The following FAF1 variants were observed in gnomAD, a reference collection of about 807,000 sequenced individuals.
FAF1 encodes Fas associated factor 1.
FAF1 carries 25 observed loss-of-function variants against 92.5 expected under a neutral mutation model. The observed-to-expected ratio is 0.27, with a 90% confidence interval of 0.20 to 0.38. The LOEUF is 0.38. Ranked by LOEUF, FAF1 falls within the 10% of genes least tolerant of loss-of-function variation. The pLI is 1.00. For missense variants in FAF1, 636 were observed against 793.3 expected, an observed-to-expected ratio of 0.80 and a Z score of 2.38; for synonymous variants, 234 against 273.2, an observed-to-expected ratio of 0.86 and a Z score of 1.42.
chr1:50,497,738 C>T (rs776352747), intron 15 of FAF1, among the ~76,000 whole-genome samples: 9 of 151,384 alleles, frequency 5.9e-5, no homozygotes, highest in African/African-American at 7.3e-5. Context: ...TTAGTAGAGA[C>T]GGGGTTTCAC....
chr1:50,838,721 A>G (rs1470140158), intron 2 of FAF1, among the ~76,000 whole-genome samples: 1 of 152,052 alleles, frequency 6.6e-6, no homozygotes, highest in Non-Finnish European at 1.5e-5. Context: ...CTCTCAGAGA[A>G]ATAACATGCA....
At chr1:50,929,677 G>A (rs938595065) in intron 1 of FAF1, among the ~76,000 whole-genome samples, 2 of 152,198 alleles carry the variant, frequency 1.3e-5, no homozygotes, top group African/African-American at 4.8e-5. Context: ...TTCATTGAAT[G>A]TCTATCATGT....
chr1:50,556,131 G>A lies in FAF1; in HGVS notation c.1268+10946C>T, dbSNP rs529537763. On this transcript the variant is annotated intron_variant, in intron 13 of 18. Transcript: ENST00000396153. ...CGGGCGCCTGTAGTCCCAGCTACTC[G>A]GGAGGCTGAGGCAGGAGACTGGCGT... Among the ~76,000 whole-genome samples, 36 of 151,450 alleles carry A rather than the reference G, an allele frequency of 2.4e-4. No homozygotes were observed. In the South Asian group the frequency reaches 7.1e-3, roughly 30 times the overall value.
intron 13 of FAF1, among the ~76,000 whole-genome samples, chr1:50,562,161 A>G (rs752444643): frequency 1.3e-5 from 2 of 152,198 alleles, no homozygotes; most frequent in Non-Finnish European, 2.9e-5. Flanking sequence ...TTAAGAATAC[A>G]TTGTACTAAC....
At chr1:50,924,837 G>T (rs1019214755) in intron 1 of FAF1, among the ~76,000 whole-genome samples, 4 of 152,086 alleles carry the variant, frequency 2.6e-5, no homozygotes, top group African/African-American at 9.7e-5. Flanking sequence ...ACAAAAATTA[G>T]CTGGGTGTGG....
chr1:50,587,292 C>T (rs1651281424), intron 9 of FAF1, among the ~76,000 whole-genome samples: 3 of 152,112 alleles, frequency 2.0e-5, no homozygotes, highest in Non-Finnish European at 4.4e-5. Context: ...ATCCCCAAAC[C>T]TCTTAAAATT....
At chr1:50,511,221 T>A (rs930208209) in intron 15 of FAF1, among the ~76,000 whole-genome samples, 23 of 152,344 alleles carry the variant, frequency 1.5e-4, no homozygotes, top group East Asian at 7.7e-4. Flanking sequence ...TCATCTTTTT[T>A]AAATTACTTT....
chr1:50,582,485 C>T (rs558920150), intron 12 of FAF1, 133 bp downstream of exon 12: 6 of 627,490 alleles, frequency 9.6e-6, no homozygotes, highest in Admixed American at 8.2e-5. Flanking sequence ...TGATGACATA[C>T]AAATTCGTGA....
chr1:50,591,073 T>C (rs1651480289), intron 9 of FAF1, among the ~76,000 whole-genome samples: 1 of 152,186 alleles, frequency 6.6e-6, no homozygotes. Flanking sequence ...TTGAGTATGA[T>C]GTTTGCTGTG....
chr1:50,637,386 G>T (rs1654079644), intron 8 of FAF1, among the ~76,000 whole-genome samples: 1 of 151,244 alleles, frequency 6.6e-6, no homozygotes, highest in South Asian at 2.1e-4. Flanking sequence ...TTGGGAGGTG[G>T]AAGTTGCAGT....
At chr1:50,678,776 C>CAAAAAAAAA in intron 7 of FAF1, among the ~76,000 whole-genome samples, 1 of 13,930 alleles carries the variant, frequency 7.2e-5, no homozygotes, top group Non-Finnish European at 1.5e-4. Context: ...GACTCCATCT[C>CAAAAAAAAA]AAAAAAAAAA....
At chr1:50,905,596 T>C (rs1557583313) in intron 1 of FAF1, among the ~76,000 whole-genome samples, 1 of 152,364 alleles carries the variant, frequency 6.6e-6, no homozygotes, top group Admixed American at 6.5e-5. Flanking sequence ...AGATGGTATC[T>C]GATTGTGGTT....
intron 7 of FAF1, among the ~76,000 whole-genome samples, chr1:50,695,946 G>C (rs1657190234): frequency 6.9e-6 from 1 of 145,416 alleles, no homozygotes; most frequent in South Asian, 2.2e-4. Flanking sequence ...ACCGTGCTTG[G>C]CCTTTTTTTT....
At chr1:50,688,230 CTG>C (rs1232530233) in intron 7 of FAF1, among the ~76,000 whole-genome samples, 3 of 152,002 alleles carry the variant, frequency 2.0e-5, no homozygotes, top group Non-Finnish European at 4.4e-5. Flanking sequence ...GAAATGGAAA[CTG>C]TTCTGCATTG....
At chr1:50,460,920 T>C (rs1646420635) in intron 18 of FAF1, among the ~76,000 whole-genome samples, 1 of 152,192 alleles carries the variant, frequency 6.6e-6, no homozygotes, top group African/African-American at 2.4e-5. Context: ...CCCAAAGTGC[T>C]AGGATTACTG....
chr1:50,649,807 A>G (rs1654773299), intron 8 of FAF1, among the ~76,000 whole-genome samples: 2 of 151,166 alleles, frequency 1.3e-5, no homozygotes, highest in South Asian at 4.2e-4. Flanking sequence ...AAAAAGAAAA[A>G]GAAAAAAATT....
In FAF1 at chr1:50,539,624, C is replaced by A. The variant is rs751039639; in HGVS notation, c.1373G>T (p.Arg458Leu). 2 of 1,612,780 alleles carry A rather than the reference C, an allele frequency of 1.2e-6. No individual in the cohort carries two copies. Among genetic ancestry groups the A allele is most frequent in the Non-Finnish European group, 1.7e-6 (2 of 1,179,178 alleles). ...FPLFLIIMGK[R>L]SSNEVLNVIQ... Reference sequence around the variant, plus strand: ...CACATTCAACACTTCATTAGATGATCGCTTTCCCATAATAATCAGGAAAAG... The same window carrying A: ...CACATTCAACACTTCATTAGATGATAGCTTTCCCATAATAATCAGGAAAAG... The change falls in exon 14 of 19, where the codon CGA (arginine) becomes CTA (leucine). Residue 458 changes from arginine to leucine, a missense_variant. Physicochemically the swap from Arg to Leu is moderately radical, Grantham distance 102. Around this residue, in one of 2 missense-constraint regions of FAF1, gnomAD observed 319 missense variants for 451.0 expected, o/e 0.71. Transcript: ENST00000396153.
At chr1:50,869,009 T>A (rs1644505438) in intron 1 of FAF1, among the ~76,000 whole-genome samples, 1 of 152,180 alleles carries the variant, frequency 6.6e-6, no homozygotes, top group Admixed American at 6.5e-5. Flanking sequence ...AATCTCCATT[T>A]GTACTTGTGG....
intron 7 of FAF1, among the ~76,000 whole-genome samples, chr1:50,661,287 G>A (rs1007484112): frequency 2.0e-5 from 3 of 152,088 alleles, no homozygotes; most frequent in African/African-American, 4.8e-5. Context: ...GTGGTTATAT[G>A]ATTTTGCCAG....
Sources: gnomAD v4.1 joint callset for allele counts (sites outside exome capture counted in the v4.1 genomes callset) on GRCh38, gnomAD v4.1.1 for gene constraint, gnomAD v4.1.1 regional missense constraint, MANE v1.5 for transcripts, NCBI Gene and HGNC (gene_info 2026-07-23, HGNC 2026-07-21) for gene names.